The following ROR1 variants were observed in gnomAD, a reference collection of about 807,000 sequenced individuals.
ROR1 encodes ROR family WNT receptor 1.
A neutral mutation model predicts 78.8 loss-of-function variants in ROR1; 19 were observed. The observed-to-expected ratio is 0.24, with a 90% CI of 0.17 to 0.35. ROR1 has a LOEUF of 0.35. Among genes scored for constraint, ROR1 ranks in the 10% least tolerant of loss-of-function variants. The pLI is 1.00. For synonymous variants in ROR1, 386 were observed against 433.6 expected, an observed-to-expected ratio of 0.89 and a Z score of 1.36; for missense variants, 917 against 1,177.8, an observed-to-expected ratio of 0.78 and a Z score of 3.24.
At chr1:63,914,243 T>C (rs1645592676) in intron 1 of ROR1, among the ~76,000 whole-genome samples, 3 of 152,234 alleles carry the variant, frequency 2.0e-5, no homozygotes, top group Admixed American at 2.0e-4. Context: ...AGAAACAGGC[T>C]TTCTAGCTGT....
At chr1:64,020,559 A>G (rs964593769) in intron 2 of ROR1, among the ~76,000 whole-genome samples, 1 of 152,188 alleles carries the variant, frequency 6.6e-6, no homozygotes. Flanking sequence ...AAAGGAGATG[A>G]ATGAAAAAAT....
Position 63,774,258 on chromosome 1 carries a change from C to T in ROR1, c.-160C>T, listed in dbSNP as rs1369046556. The T allele has an allele frequency of 6.4e-6, 2 of 312,374 alleles. No individual in the cohort carries two copies. The highest frequency in any genetic ancestry group is 5.3e-5 in the South Asian group (1 of 18,774). The allele number at this position is 312,374 out of a possible 1,614,324, so 19.4% of individuals were successfully genotyped here. A position where few individuals can be genotyped will look rare whatever the true frequency, so the allele number is the denominator to read the frequency against. On this transcript the variant is annotated 5_prime_UTR_variant, in exon 1 of 9. Transcript: ENST00000371079. This position sits in a 1 kb window ranked among gnomAD's most constrained non-coding sequence, Gnocchi z 5.7. ...GCATCCAGAGGCGGCCAGGCGGAGG[C>T]GAGGGAGCAGGTTAGAGGGACAAAG...
At chr1:64,018,240 G>C (rs139377938) in intron 2 of ROR1, among the ~76,000 whole-genome samples, 4 of 152,116 alleles carry the variant, frequency 2.6e-5, no homozygotes, top group Non-Finnish European at 5.9e-5. Flanking sequence ...CTAAAGGGAG[G>C]GGAAACGGAG....
chr1:64,034,534 T>C lies in ROR1; in HGVS notation c.164-15157T>C, dbSNP rs533954010. ...AAAATGAATTATTGAGTCCCCCCTC[T>C]TTCTCTCTCATACTCTCTCTCACTC... On this transcript the variant is annotated intron_variant, in intron 2 of 8. Transcript: ENST00000371079. 4.6e-5 allele frequency among the ~76,000 whole-genome samples: 7 copies of C among 152,280 alleles called. No individual in the cohort carries two copies. In the East Asian group the frequency reaches 1.3e-3, roughly 29 times the overall value.
intron 1 of ROR1, among the ~76,000 whole-genome samples, chr1:63,939,359 C>T (rs1215460367): frequency 6.6e-6 from 1 of 152,110 alleles, no homozygotes; most frequent in Admixed American, 6.5e-5. Context: ...TTAAGGAATA[C>T]AGGAGTATGG....
intron 4 of ROR1, among the ~76,000 whole-genome samples, chr1:64,076,408 C>T (rs1647050662): frequency 6.6e-6 from 1 of 152,146 alleles, no homozygotes. Context: ...AGGGATTATA[C>T]AAACAGCTTG....
At position 64,142,739 on chromosome 1, in the gene ROR1, G is replaced by A. The variant is rs930385683; in HGVS notation, c.1174+89G>A. The A allele has an allele frequency of 3.9e-6, 6 of 1,552,316 alleles. No individual in the cohort carries two copies. The Admixed American group carries it at 5.5e-5, about 14-fold the overall frequency. ...TTATTTAGGAGAATCCTATAAGGGG[G>A]GCAAAGAAAATGGACAGTATTTGCT... On this transcript the variant is annotated intron_variant, in intron 7 of 8. Coordinates refer to ENST00000371079, the MANE Select transcript of ROR1 (RefSeq NM_005012.4).
At chr1:64,006,220 T>C (rs1646426345) in intron 1 of ROR1, among the ~76,000 whole-genome samples, 1 of 152,214 alleles carries the variant, frequency 6.6e-6, no homozygotes, top group African/African-American at 2.4e-5. Context: ...TGCATGTAAA[T>C]GCTGTCAAGG....
chr1:64,104,361 G>A (rs539692873), intron 4 of ROR1, among the ~76,000 whole-genome samples: 6 of 152,214 alleles, frequency 3.9e-5, no homozygotes, highest in East Asian at 3.9e-4. Flanking sequence ...AAAGCCATGT[G>A]TGACAGGACT....
At chr1:63,794,877 G>A (rs192222674) in intron 1 of ROR1, among the ~76,000 whole-genome samples, 7 of 152,284 alleles carry the variant, frequency 4.6e-5, no homozygotes, top group East Asian at 3.9e-4. Context: ...AGGGGCTCAC[G>A]CACTCATGAA....
chr1:64,095,919 A>G (rs1319528039), intron 4 of ROR1, among the ~76,000 whole-genome samples: 1 of 152,214 alleles, frequency 6.6e-6, no homozygotes, highest in East Asian at 1.9e-4. Flanking sequence ...GGTAGAGCCA[A>G]GATTAGTCCT....
At chr1:63,864,841 G>GTT (rs5774671) in intron 1 of ROR1, among the ~76,000 whole-genome samples, 22 of 143,092 alleles carry the variant, frequency 1.5e-4, no homozygotes, top group African/African-American at 5.0e-4. Context: ...AAATTTCAAG[G>GTT]TTTTTTTTTT....
At chr1:64,116,484 G>A (rs568651003) in intron 4 of ROR1, among the ~76,000 whole-genome samples, 3 of 152,230 alleles carry the variant, frequency 2.0e-5, no homozygotes, top group Non-Finnish European at 2.9e-5. Context: ...ACCTCAAAAA[G>A]TATAGCTCTT....
chr1:63,874,781 T>C (rs11208308), intron 1 of ROR1, among the ~76,000 whole-genome samples: 60,184 of 151,846 alleles, frequency 0.4, 13,089 homozygotes, highest in African/African-American at 0.57. Context: ...CTTGTCCAGG[T>C]CAAACAGCCC....
chr1:63,806,218 T>C (rs1343878691), intron 1 of ROR1, among the ~76,000 whole-genome samples: 3 of 152,154 alleles, frequency 2.0e-5, no homozygotes, highest in Non-Finnish European at 4.4e-5. Context: ...ACTTGTTACA[T>C]AGCCTGGTCA....
intron 1 of ROR1, among the ~76,000 whole-genome samples, chr1:63,903,447 C>G (rs1645502023): frequency 6.6e-6 from 1 of 150,972 alleles, no homozygotes. Context: ...TTTTTTTTTA[C>G]CCACTTCACT....
At chr1:64,013,251 A>G (rs1646492034) in intron 2 of ROR1, among the ~76,000 whole-genome samples, 1 of 152,172 alleles carries the variant, frequency 6.6e-6, no homozygotes, top group Non-Finnish European at 1.5e-5. Flanking sequence ...TAAGGCAGGC[A>G]TATTTTAGGG....
At chr1:64,116,706 G>A (rs1648327724) in intron 4 of ROR1, among the ~76,000 whole-genome samples, 1 of 152,098 alleles carries the variant, frequency 6.6e-6, no homozygotes, top group East Asian at 1.9e-4. Context: ...CTTCCCTTTG[G>A]CACCAATCCG....
intron 4 of ROR1, among the ~76,000 whole-genome samples, chr1:64,054,991 TC>T: frequency 6.6e-6 from 1 of 152,262 alleles, no homozygotes; most frequent in Non-Finnish European, 1.5e-5. Context: ...GCCCTTAATT[TC>T]CCCTTTTCAT....
Sources: gnomAD v4.1 joint callset for allele counts (sites outside exome capture counted in the v4.1 genomes callset) on GRCh38, gnomAD v4.1.1 for gene constraint, Gnocchi (gnomAD v3.1) non-coding constraint, MANE v1.5 for transcripts, NCBI Gene and HGNC (gene_info 2026-07-23, HGNC 2026-07-21) for gene names.